The following TBC1D9B variants were observed in gnomAD, a reference collection of about 807,000 sequenced individuals.
The protein encoded by TBC1D9B is TBC1 domain family, member 9B (with GRAM domain).
A neutral mutation model predicts 121.1 loss-of-function variants in TBC1D9B; 87 were observed. The ratio of observed to expected loss-of-function variants is 0.72; its 90% CI spans 0.60 to 0.86. The LOEUF is 0.86. TBC1D9B is among the 40% of genes least tolerant of loss of function. The pLI is 0.00. For synonymous variants in TBC1D9B, 668 were observed against 670.1 expected (o/e 1.00, Z 0.05); for missense variants, 1,540 against 1,628.6 (o/e 0.95, Z 0.94).
intron 1 of TBC1D9B, among the ~76,000 whole-genome samples, chr5:179,906,233 G>C (rs155795): frequency 0.42 from 63,335 of 152,038 alleles, 14,223 homozygotes; most frequent in East Asian, 0.76. Flanking sequence ...CACAGGGAAG[G>C]CCCTGTCAGA....
chr5:179,872,871 C>CCCCCCCCCCCCCCGG, intron 14 of TBC1D9B, 21 bp downstream of exon 14: 3 of 1,593,652 alleles, frequency 1.9e-6, no homozygotes, highest in Non-Finnish European at 2.6e-6. Context: ...AGCCCCTGCC[C>CCCCCCCCCCCCCCGG]AGCCCTGCTG....
At chr5:179,892,420 C>T (rs1244753608) in intron 5 of TBC1D9B, among the ~76,000 whole-genome samples, 2 of 152,238 alleles carry the variant, frequency 1.3e-5, no homozygotes, top group Non-Finnish European at 1.5e-5. Context: ...GGAATGAGGT[C>T]GCTCAACACA....
chr5:179,875,956 G>T lies in TBC1D9B; in HGVS notation c.1864C>A (p.Arg622Ser), dbSNP rs781678500. 1 of 1,610,890 alleles carries T rather than the reference G, an allele frequency of 6.2e-7. No homozygotes were observed. Among genetic ancestry groups the T allele is most frequent in the Non-Finnish European group, 8.5e-7 (1 of 1,178,958 alleles). ...GTGTTGTAGTAGTCGGGCAGCATGC[G>T]CTCGCACAGGGCCACCAGGAGCCAG... ...AFWLLVALCE[R>S]MLPDYYNTRV... Residue 622 changes from arginine to serine, a missense_variant, in exon 11 of 21, where the codon CGC becomes AGC. Transcript: ENST00000355235. The surrounding 1 kb of genome is among the most constrained non-coding windows in gnomAD (Gnocchi z 4.5).
In TBC1D9B at chr5:179,874,964, G is replaced by A. The variant is rs534491688; in HGVS notation, c.2124C>T (p.Asp708=). Residue 708 remains aspartate, a synonymous_variant, in exon 12 of 21, where the codon GAC becomes GAT. Transcript: ENST00000355235. This position sits in a 1 kb window ranked among gnomAD's most constrained non-coding sequence, Gnocchi z 4.3. ...AGCCCAGCAGCTGCTCCATGTTGGC[G>A]TCCAGGACGGCCAGGGCCACCTGCA... ...VILQVALAVL[D]ANMEQLLGCS... is the part of the protein sequence containing the mutation. 7.6e-5 allele frequency: 123 copies of A among 1,613,786 alleles called. 1 individual carries two copies. The Admixed American group carries it at 9.5e-4, about 12-fold the overall frequency.
chr5:179,871,715 C>T (rs1221694759), intron 14 of TBC1D9B, 185 bp from the exon 15 acceptor site: 1 of 578,230 alleles, frequency 1.7e-6, no homozygotes, highest in Admixed American at 2.8e-5. Flanking sequence ...TGGCCCCCCA[C>T]CTACCACTCA....
chr5:179,867,155 T>G, intron 18 of TBC1D9B: 1 of 345,870 alleles, frequency 2.9e-6, no homozygotes. Context: ...TGACAGCATT[T>G]TGTATTTGTT....
At chr5:179,867,104 C>T (rs1760034856) in intron 18 of TBC1D9B, 2 of 239,434 alleles carry the variant, frequency 8.4e-6, no homozygotes, top group Admixed American at 9.8e-5. Context: ...CTATTCTTTC[C>T]AGCCCCCACT....
At chr5:179,899,959 G>A (rs1451971724) in intron 2 of TBC1D9B, among the ~76,000 whole-genome samples, 1 of 152,208 alleles carries the variant, frequency 6.6e-6, no homozygotes, top group Admixed American at 6.5e-5. Context: ...TCTGGGCGCC[G>A]TGTCTCATGC....
chr5:179,870,336 G>A lies in TBC1D9B; in HGVS notation c.2644C>T (p.Leu882=). ...AGCCTGAACATGCGCCCTGCCAGCAGAGGTGTGTGGGAGCCACAGGCCCAG... is the reference window on the plus strand; with the variant it reads ...AGCCTGAACATGCGCCCTGCCAGCAAAGGTGTGTGGGAGCCACAGGCCCAG... The part of the protein sequence containing the change: ...TPWACGSHTP[L]LAGRMFRLLD... The change falls in exon 16 of 21, where the codon CTG becomes TTG. Residue 882 remains leucine, a synonymous_variant. Transcript: ENST00000355235. 2 of 1,613,894 alleles carry A rather than the reference G, an allele frequency of 1.2e-6. No homozygotes were observed. Among genetic ancestry groups the A allele is most frequent in the Non-Finnish European group, 8.5e-7 (1 of 1,180,022 alleles).
rs182243088 is a variant in TBC1D9B, at chr5:179,883,636, C to A, written c.1255-3847G>T. 1.2e-3 allele frequency among the ~76,000 whole-genome samples: 180 copies of A among 152,016 alleles called. 1 individual carries two copies. The highest frequency in any genetic ancestry group is 4.1e-3 in the African/African-American group (171 of 41,470). On this transcript the variant is annotated intron_variant, in intron 7 of 20. Transcript: ENST00000355235. ...GCTTTTTAAACATTTTTAATTTATACCATTCTTTAGTAGTTTCTGTCGTTT... is the reference window on the plus strand; with the variant it reads ...GCTTTTTAAACATTTTTAATTTATAACATTCTTTAGTAGTTTCTGTCGTTT...
rs1304101913 is a variant in TBC1D9B at position 179,897,205 on chromosome 5, C to A, written c.348+1984G>T. 4.6e-5 allele frequency among the ~76,000 whole-genome samples: 7 copies of A among 152,316 alleles called. No individual in the cohort carries two copies. The East Asian group carries it at 9.7e-4, about 21-fold the overall frequency. ...TACAGGCATAAGCCACTGCGCCTGG[C>A]CCATCCTTCCTTCTTTTGTAAGACT... On this transcript the variant is annotated intron_variant, in intron 3 of 20. Transcript: ENST00000355235.
intron 2 of TBC1D9B, among the ~76,000 whole-genome samples, chr5:179,901,109 G>A (rs111575105): frequency 0.029 from 4,474 of 152,276 alleles, 180 homozygotes; most frequent in African/African-American, 0.092. Context: ...AGATCCTCCC[G>A]ATTGGCCTGG....
At chr5:179,893,752 C>T (rs1760938903) in intron 4 of TBC1D9B, among the ~76,000 whole-genome samples, 1 of 152,164 alleles carries the variant, frequency 6.6e-6, no homozygotes, top group Non-Finnish European at 1.5e-5. Flanking sequence ...ACCCACCCAG[C>T]AGCTCCCCCA....
rs1444213206 is a variant in TBC1D9B at position 179,893,444 on chromosome 5, C to A, written c.601G>T (p.Asp201Tyr). 6.2e-7 allele frequency: 1 copy of A among 1,608,868 alleles called. No individual in the cohort carries two copies. Among genetic ancestry groups the A allele is most frequent in the Non-Finnish European group, 8.5e-7 (1 of 1,176,414 alleles). Residue 201 changes from aspartate (D) to tyrosine (Y), a missense_variant, in exon 5 of 21, where the codon GAC (aspartate) becomes TAC (tyrosine). Coordinates refer to ENST00000355235, the MANE Select transcript of TBC1D9B (RefSeq NM_015043.4). ...KEVSLVVQWV[D>Y]ITRLEKNATL... Reference sequence around the variant, plus strand: ...GCGTTCTTCTCCAGACGCGTTATGTCCACCCACTGCACCACGAGGCTCACT... The same window carrying A: ...GCGTTCTTCTCCAGACGCGTTATGTACACCCACTGCACCACGAGGCTCACT...
chr5:179,878,525 T>C lies in TBC1D9B; in HGVS notation c.1568-2A>G. 1 of 1,597,498 alleles carries C rather than the reference T, an allele frequency of 6.3e-7. No homozygotes were observed. Among genetic ancestry groups the C allele is most frequent in the Non-Finnish European group, 8.5e-7 (1 of 1,171,316 alleles). Reference sequence around the variant, plus strand: ...GAGTCACCATCTCATTCCAGGCCCCTGGGGAGACACGGGTGCCAGCTGTCT... The same window carrying C: ...GAGTCACCATCTCATTCCAGGCCCCCGGGGAGACACGGGTGCCAGCTGTCT... On this transcript the variant is annotated splice_acceptor_variant, in intron 9 of 20. Coordinates refer to ENST00000355235, the MANE Select transcript of TBC1D9B (RefSeq NM_015043.4). LOFTEE classifies it high-confidence loss of function.
chr5:179,864,750 C>G (rs374303610), intron 20 of TBC1D9B, among the ~76,000 whole-genome samples: 1 of 152,220 alleles, frequency 6.6e-6, no homozygotes, highest in Admixed American at 6.5e-5. Flanking sequence ...ACAGCTAGAC[C>G]GTGGGTCTGG....
Position 179,891,292 on chromosome 5 carries a change from C to G in TBC1D9B, c.1044+87G>C, listed in dbSNP as rs1278162227. ...TCCTCCCAGGTACCCCCCAGTGAGA[C>G]AGGGCAGAGCAGGACAGGCTGGTCC... On this transcript the variant is annotated intron_variant, in intron 6 of 20. Transcript: ENST00000355235. The surrounding 1 kb of genome is among the most constrained non-coding windows in gnomAD (Gnocchi z 4.3). 7 of 1,488,314 alleles carry G rather than the reference C, an allele frequency of 4.7e-6. No homozygotes were observed. Among genetic ancestry groups the G allele is most frequent in the Non-Finnish European group, 6.5e-6 (7 of 1,076,292 alleles). 92.2% of individuals were successfully genotyped at this position (1,488,314 alleles called of 1,614,324 possible). A position where few individuals can be genotyped will look rare whatever the true frequency, so the allele number is the denominator to read the frequency against.
intron 7 of TBC1D9B, among the ~76,000 whole-genome samples, chr5:179,886,820 C>T (rs960163211): frequency 6.6e-6 from 1 of 152,172 alleles, no homozygotes; most frequent in Non-Finnish European, 1.5e-5. Context: ...TCAGACTCAA[C>T]GACAGCAGCA....
chr5:179,888,344 T>A lies in TBC1D9B; in HGVS notation c.1045-32A>T, dbSNP rs185840476. The A allele has an allele frequency of 2.7e-5, 43 of 1,606,298 alleles. No individual in the cohort carries two copies. In the Middle Eastern group the frequency reaches 5.2e-4, roughly 19 times the overall value. ...AGGTGAAAGAACTCTTTTGGGTGTCTGCATCTCAGGCCCTGCAGCTGGGCA... is the reference window on the plus strand; with the variant it reads ...AGGTGAAAGAACTCTTTTGGGTGTCAGCATCTCAGGCCCTGCAGCTGGGCA... On this transcript the variant is annotated intron_variant, in intron 6 of 20. Transcript: ENST00000355235.
Sources: gnomAD v4.1 joint callset for allele counts (sites outside exome capture counted in the v4.1 genomes callset) on GRCh38, gnomAD v4.1.1 for gene constraint, Gnocchi (gnomAD v3.1) non-coding constraint, MANE v1.5 for transcripts, NCBI Gene and HGNC (gene_info 2026-07-23, HGNC 2026-07-21) for gene names.